LAMA4: variants seen among roughly 807,000 people sequenced by gnomAD.
The protein encoded by LAMA4 is laminin subunit alpha 4.
Under a neutral mutation model 207.1 loss-of-function variants are expected in LAMA4, and 127 were observed. The ratio of observed to expected loss-of-function variants is 0.61; its 90% CI spans 0.53 to 0.71. The LOEUF is 0.71. Among genes scored for constraint, LAMA4 ranks in the 30% least tolerant of loss-of-function variants. LAMA4 has a pLI of 0.00. For missense variants in LAMA4, 2,093 were observed against 2,246.5 expected, an observed-to-expected ratio of 0.93 and a Z score of 1.38; for synonymous variants, 761 against 816.0, an observed-to-expected ratio of 0.93 and a Z score of 1.15.
At chr6:112,211,966 A>C (rs1248558357) in intron 3 of LAMA4, among the ~76,000 whole-genome samples, 3 of 152,104 alleles carry the variant, frequency 2.0e-5, no homozygotes, top group African/African-American at 7.2e-5. Context: ...AAGCTGTGTC[A>C]GTGGTCAGGG....
At chr6:112,138,159 T>C (rs925267753) in intron 24 of LAMA4, among the ~76,000 whole-genome samples, 1 of 152,200 alleles carries the variant, frequency 6.6e-6, no homozygotes, top group Non-Finnish European at 1.5e-5. Context: ...TTTCAATAGC[T>C]TTGAACCCTT....
At chr6:112,241,535 C>G (rs1468095526) in intron 2 of LAMA4, among the ~76,000 whole-genome samples, 1 of 152,034 alleles carries the variant, frequency 6.6e-6, no homozygotes, top group Non-Finnish European at 1.5e-5. Flanking sequence ...GATTTCCTAG[C>G]TATGACCATG....
At chr6:112,171,542 G>C (rs1160646461) in intron 12 of LAMA4, 2 of 153,754 alleles carry the variant, frequency 1.3e-5, no homozygotes, top group Non-Finnish European at 2.9e-5. Flanking sequence ...GTAAACCTGG[G>C]AGGAACCTGC....
intron 31 of LAMA4, 84 bp from the exon 32 acceptor site, chr6:112,122,285 A>G: frequency 1.0e-6 from 1 of 958,198 alleles, no homozygotes; most frequent in Admixed American, 1.9e-5. Context: ...ATTAATAAGG[A>G]TAAAAAATTA....
At chr6:112,188,967 A>G (rs1554347575) in intron 7 of LAMA4, 143 bp downstream of exon 7, 1 of 671,678 alleles carries the variant, frequency 1.5e-6, no homozygotes, top group Non-Finnish European at 2.7e-6. Flanking sequence ...TGCAGGCTCC[A>G]TTTGCTGAGG....
chr6:112,243,471 T>C (rs1010204068), intron 2 of LAMA4, among the ~76,000 whole-genome samples: 8 of 152,220 alleles, frequency 5.3e-5, no homozygotes, highest in African/African-American at 1.9e-4. Context: ...TAATCAGTTT[T>C]AATTTTTTTT....
At chr6:112,239,163 A>G (rs1786172093) in intron 2 of LAMA4, among the ~76,000 whole-genome samples, 1 of 152,048 alleles carries the variant, frequency 6.6e-6, no homozygotes, top group Non-Finnish European at 1.5e-5. Context: ...TCTATGAAAA[A>G]TACAAAAATT....
At chr6:112,210,116 C>T (rs1474366396) in intron 3 of LAMA4, among the ~76,000 whole-genome samples, 2 of 151,996 alleles carry the variant, frequency 1.3e-5, no homozygotes, top group Non-Finnish European at 2.9e-5. Flanking sequence ...TTCCTGAGGC[C>T]TCCTCAGAAG....
intron 38 of LAMA4, among the ~76,000 whole-genome samples, chr6:112,110,594 A>T (rs111709203): frequency 6.6e-6 from 1 of 152,334 alleles, no homozygotes; most frequent in Non-Finnish European, 1.5e-5. Context: ...TGAGAGATCA[A>T]TTCCCTTTAT....
intron 38 of LAMA4, among the ~76,000 whole-genome samples, chr6:112,112,886 A>G (rs1554322057): frequency 3.9e-5 from 6 of 152,182 alleles, no homozygotes; most frequent in Non-Finnish European, 8.8e-5. Context: ...CTATTAGAAG[A>G]TTATTAAAAT....
chr6:112,168,870 C>G (rs1434213117), intron 12 of LAMA4, among the ~76,000 whole-genome samples: 5 of 152,148 alleles, frequency 3.3e-5, no homozygotes, highest in Admixed American at 6.5e-5. Context: ...AGGCACTCTA[C>G]AGAGGGAGAC....
intron 9 of LAMA4, among the ~76,000 whole-genome samples, chr6:112,180,505 G>A (rs1350061895): frequency 2.6e-5 from 4 of 152,218 alleles, no homozygotes; most frequent in South Asian, 2.1e-4. Flanking sequence ...GGTGCGCCTC[G>A]GTTTAAGAAA....
At chr6:112,233,035 C>G (rs1785662685) in intron 2 of LAMA4, among the ~76,000 whole-genome samples, 1 of 152,166 alleles carries the variant, frequency 6.6e-6, no homozygotes, top group Non-Finnish European at 1.5e-5. Context: ...CATGAAAGTG[C>G]ATAGTCAATT....
intron 24 of LAMA4, among the ~76,000 whole-genome samples, chr6:112,137,527 T>C (rs1779425535): frequency 6.6e-6 from 1 of 152,276 alleles, no homozygotes; most frequent in African/African-American, 2.4e-5. Context: ...TCACATAATA[T>C]GTGTGGCTTC....
Position 112,128,999 on chromosome 6 carries a change from T to C in LAMA4, c.4210A>G (p.Ile1404Val). ...KVHTSLYECP[I>V]ESSPLFLLHK... ...AGGAGAAACAATGGTGAAGACTCAATGGGACACTCATAAAGAGAAGTGTGG... is the reference window on the plus strand; with the variant it reads ...AGGAGAAACAATGGTGAAGACTCAACGGGACACTCATAAAGAGAAGTGTGG... Residue 1404 changes from isoleucine to valine, a missense_variant, in exon 31 of 39, where the codon ATT becomes GTT. This residue lies in a region of LAMA4 where 1,704 missense variants were observed against 1,788.4 expected (regional missense o/e 0.95). Coordinates refer to ENST00000230538, the MANE Select transcript of LAMA4 (RefSeq NM_001105206.3). 1 of 1,612,746 alleles carries C rather than the reference T, an allele frequency of 6.2e-7. No homozygotes were observed. The highest frequency in any genetic ancestry group is 8.5e-7 in the Non-Finnish European group (1 of 1,178,832).
chr6:112,191,950 G>A, intron 5 of LAMA4, 100 bp from the exon 6 acceptor site: 1 of 993,184 alleles, frequency 1.0e-6, no homozygotes, highest in Non-Finnish European at 1.6e-6. Context: ...GATATTTATT[G>A]ATTTCCCTCC....
chr6:112,212,741 T>C (rs1442046746), intron 3 of LAMA4, among the ~76,000 whole-genome samples: 2 of 152,204 alleles, frequency 1.3e-5, no homozygotes, highest in East Asian at 1.9e-4. Context: ...GATTATGCAC[T>C]TGATCTAGAT....
At chr6:112,155,533 C>T in intron 15 of LAMA4, 32 bp downstream of exon 15, 1 of 1,613,266 alleles carries the variant, frequency 6.2e-7, no homozygotes, top group Non-Finnish European at 8.5e-7. Context: ...GTGGGAAAGG[C>T]AAGGTATAAA....
rs781936280 is a variant in LAMA4, at chr6:112,134,482, T to C, written c.3542A>G (p.Glu1181Gly). The C allele has an allele frequency of 1.2e-6, 2 of 1,613,538 alleles. No homozygotes were observed. The highest frequency in any genetic ancestry group is 2.2e-5 in the South Asian group (2 of 91,080). Reference sequence around the variant, plus strand: ...AAAGCCTTACCTGGATTGTAAGATTTCTGGAGGAGCTCCTCCAATGTATAT... The same window carrying C: ...AAAGCCTTACCTGGATTGTAAGATTCCTGGAGGAGCTCCTCCAATGTATAT... ...TDIYIGGAPP[E>G]ILQSRALRAH... The change falls in exon 26 of 39, where the codon GAA (glutamate) becomes GGA (glycine). Residue 1181 changes from glutamate (E) to glycine (G), a missense_variant. Coordinates refer to ENST00000230538, the MANE Select transcript of LAMA4 (RefSeq NM_001105206.3).
Sources: allele counts gnomAD v4.1 joint callset (sites outside exome capture counted in the v4.1 genomes callset), GRCh38; gene constraint gnomAD v4.1.1; regional missense constraint gnomAD v4.1.1; transcripts MANE v1.5; gene names NCBI Gene and HGNC (gene_info 2026-07-23, HGNC 2026-07-21).